The following TMTC3 variants were observed in gnomAD, a reference collection of about 807,000 sequenced individuals.
The protein encoded by TMTC3 is transmembrane O-mannosyltransferase targeting cadherins 3, also known as protein O-mannosyl-transferase TMTC3.
In TMTC3, 52 loss-of-function variants were observed where a neutral mutation model predicts 92.2. The observed-to-expected ratio is 0.56, with a 90% CI of 0.45 to 0.71. The LOEUF (loss-of-function observed/expected upper bound fraction) is 0.71. TMTC3 is among the 30% of genes least tolerant of loss of function. The pLI is 0.00. For synonymous variants in TMTC3, 339 were observed against 363.3 expected, an observed-to-expected ratio of 0.93 and a Z score of 0.76; for missense variants, 896 against 1,057.1, an observed-to-expected ratio of 0.85 and a Z score of 2.11.
Position 88,195,569 on chromosome 12 carries a change from G to T in TMTC3, c.2665G>T (p.Asp889Tyr). 1 of 1,611,532 alleles carries T rather than the reference G, an allele frequency of 6.2e-7. No homozygotes were observed. ...DEETPHKTTKDIKEIEKKRVA... is the reference protein window; with the variant it reads ...DEETPHKTTKYIKEIEKKRVA... ...AGAGACACCCCACAAAACAACAAAA[G>T]ACATCAAAGAAATTGAGAAGAAAAG... Residue 889 changes from aspartate (D) to tyrosine (Y), a missense_variant, in exon 14 of 14, where the codon GAC (aspartate) becomes TAC (tyrosine). Coordinates refer to ENST00000266712, the MANE Select transcript of TMTC3 (RefSeq NM_181783.4).
chr12:88,174,908 A>C (rs2041242975), intron 9 of TMTC3, among the ~76,000 whole-genome samples, 181 bp downstream of exon 9: 1 of 152,172 alleles, frequency 6.6e-6, no homozygotes, highest in South Asian at 2.1e-4. Context: ...GCTCTGAATA[A>C]TACTTAGCTA....
chr12:88,195,135 A>T lies in TMTC3; in HGVS notation c.2231A>T (p.Asp744Val). 6.2e-7 allele frequency: 1 copy of T among 1,613,892 alleles called. No individual in the cohort carries two copies. Among genetic ancestry groups the T allele is most frequent in the Non-Finnish European group, 8.5e-7 (1 of 1,179,954 alleles). ...ATCAAGGGCCTCATTTTAAAAGGAGACATTCTGATGAATCAAAAGAAAGAT... is the reference window on the plus strand; with the variant it reads ...ATCAAGGGCCTCATTTTAAAAGGAGTCATTCTGATGAATCAAAAGAAAGAT... ...DHIKGLILKG[D>V]ILMNQKKDIL... Residue 744 changes from aspartate (D) to valine (V), a missense_variant, in exon 14 of 14, where the codon GAC becomes GTC. Coordinates refer to ENST00000266712, the MANE Select transcript of TMTC3 (RefSeq NM_181783.4).
intron 10 of TMTC3, among the ~76,000 whole-genome samples, chr12:88,181,050 T>C (rs1446223430): frequency 6.6e-6 from 1 of 152,224 alleles, no homozygotes; most frequent in African/African-American, 2.4e-5. Context: ...GGCCTGTCCT[T>C]GAGGTTATAA....
rs745495640 is a variant in TMTC3 at position 88,195,134 on chromosome 12, G to C, written c.2230G>C (p.Asp744His). Residue 744 changes from aspartate to histidine, a missense_variant, in exon 14 of 14, where the codon GAC becomes CAC. Transcript: ENST00000266712. ...TATCAAGGGCCTCATTTTAAAAGGA[G>C]ACATTCTGATGAATCAAAAGAAAGA... ...DHIKGLILKGDILMNQKKDIL... is the reference protein window; with the variant it reads ...DHIKGLILKGHILMNQKKDIL... 1.2e-6 allele frequency: 2 copies of C among 1,613,788 alleles called. No individual in the cohort carries two copies. The highest frequency in any genetic ancestry group is 8.5e-7 in the Non-Finnish European group (1 of 1,179,904).
At chr12:88,172,925 T>C (rs2041221407) in intron 8 of TMTC3, 180 bp downstream of exon 8, 7 of 1,492,368 alleles carry the variant, frequency 4.7e-6, no homozygotes, top group Non-Finnish European at 6.3e-6. Flanking sequence ...CACCTACTTA[T>C]TCTGTGTTCT....
intron 4 of TMTC3, 33 bp from the exon 5 acceptor site, chr12:88,160,081 T>C: frequency 7.0e-7 from 1 of 1,429,528 alleles, no homozygotes; most frequent in South Asian, 1.3e-5. Flanking sequence ...AATTGTTTTC[T>C]GAATTTTTAT....
In TMTC3 at chr12:88,195,435, A is replaced by G. The variant is rs2041499703; in HGVS notation, c.2531A>G (p.Glu844Gly). 2 of 1,613,346 alleles carry G rather than the reference A, an allele frequency of 1.2e-6. No homozygotes were observed. Among genetic ancestry groups the G allele is most frequent in the Non-Finnish European group, 1.7e-6 (2 of 1,179,762 alleles). Reference sequence around the variant, plus strand: ...GTGGAAGGAAAGAAAATTCCAACTGAAAGTGTAAAAGAAATTAGAGGTGAA... The same window carrying G: ...GTGGAAGGAAAGAAAATTCCAACTGGAAGTGTAAAAGAAATTAGAGGTGAA... ...SSVEGKKIPT[E>G]SVKEIRGESR... The change falls in exon 14 of 14, where the codon GAA becomes GGA. Residue 844 changes from glutamate to glycine, a missense_variant. Physicochemically the swap from Glu to Gly is moderately conservative, Grantham distance 98. Transcript: ENST00000266712.
chr12:88,174,428 TATTTA>T lies in TMTC3; in HGVS notation c.1200-174_1200-170del, dbSNP rs1005493565. Among the ~76,000 whole-genome samples the T allele has an allele frequency of 6.6e-5, 10 of 152,140 alleles. No homozygotes were observed. In the East Asian group the frequency reaches 1.3e-3, roughly 20 times the overall value. On this transcript the variant is annotated intron_variant, in intron 8 of 13. Coordinates refer to ENST00000266712, the MANE Select transcript of TMTC3 (RefSeq NM_181783.4). The stretch of plus-strand genomic sequence containing the variant: ...ATTGACTGGAAGGTCATATTCACAG[TATTTA>T]ATTTTTTTGGTGTTGTATCCTCTAA...
rs550195464 is a variant in TMTC3 at position 88,160,988 on chromosome 12, A to C, written c.797+137A>C. 7.4e-5 allele frequency: 62 copies of C among 832,682 alleles called. No individual in the cohort carries two copies. In the Middle Eastern group the frequency reaches 1.1e-3, roughly 15 times the overall value. 51.6% of individuals were successfully genotyped at this position (832,682 alleles called of 1,614,324 possible). A position where few individuals can be genotyped will look rare whatever the true frequency, so the allele number is the denominator to read the frequency against. On this transcript the variant is annotated intron_variant, in intron 6 of 13. Transcript: ENST00000266712. Reference sequence around the variant, plus strand: ...CTATAATTAACATTTTTTAAACTGCATATATTTAAAATTTATGTACTGATA... The same window carrying C: ...CTATAATTAACATTTTTTAAACTGCCTATATTTAAAATTTATGTACTGATA...
chr12:88,160,006 T>C, intron 4 of TMTC3, 108 bp from the exon 5 acceptor site: 1 of 640,858 alleles, frequency 1.6e-6, no homozygotes, highest in Non-Finnish European at 2.6e-6. Flanking sequence ...TACTAATTAA[T>C]GAGAAATAGC....
At chr12:88,161,890 C>T (rs1211267463) in intron 6 of TMTC3, among the ~76,000 whole-genome samples, 2 of 151,286 alleles carry the variant, frequency 1.3e-5, no homozygotes, top group South Asian at 2.1e-4. Context: ...GTGCAGTTTG[C>T]ATATGTTTTC....
At chr12:88,154,151 G>A (rs1054746950) in intron 3 of TMTC3, 137 bp from the exon 4 acceptor site, 1 of 599,992 alleles carries the variant, frequency 1.7e-6, no homozygotes, top group African/African-American at 1.9e-5. Flanking sequence ...TTCACCACCT[G>A]AGGGCACCCA....
At position 88,166,467 on chromosome 12, in the gene TMTC3, T is replaced by G; in HGVS notation, c.935T>G (p.Ile312Arg). Reference sequence around the variant, plus strand: ...TGGACCATGGGAACAATACCACTTATAGAGTCATTACTAGATATTCGAAAT... The same window carrying G: ...TGGACCATGGGAACAATACCACTTAGAGAGTCATTACTAGATATTCGAAAT... ...CDWTMGTIPL[I>R]ESLLDIRNLA... The change falls in exon 7 of 14, where the codon ATA becomes AGA. Residue 312 changes from isoleucine (I) to arginine (R), a missense_variant. Physicochemically the swap from Ile to Arg is moderately conservative, Grantham distance 97 (BLOSUM62 -3). Transcript: ENST00000266712. The G allele has an allele frequency of 6.2e-7, 1 of 1,614,038 alleles. No individual in the cohort carries two copies. The highest frequency in any genetic ancestry group is 8.5e-7 in the Non-Finnish European group (1 of 1,179,956).
Position 88,198,251 on chromosome 12 carries a change from T to C in TMTC3, c.*2602T>C. 1 of 396,244 alleles carries C rather than the reference T, an allele frequency of 2.5e-6. No homozygotes were observed. Among genetic ancestry groups the C allele is most frequent in the East Asian group, 3.6e-5 (1 of 28,026 alleles). The allele number at this position is 396,244 out of a possible 1,614,324, so 24.5% of individuals were successfully genotyped here. On this transcript the variant is annotated 3_prime_UTR_variant, in exon 14 of 14. Coordinates refer to ENST00000266712, the MANE Select transcript of TMTC3 (RefSeq NM_181783.4). ...TGCCTGTTCAGTGAGATGGAGGAGG[T>C]GGGCACATTTAAGGTCAGTTCACTA...
rs2041521307 is a variant in TMTC3, at chr12:88,197,048, G to A, written c.*1399G>A. On this transcript the variant is annotated 3_prime_UTR_variant, in exon 14 of 14. Coordinates refer to ENST00000266712, the MANE Select transcript of TMTC3 (RefSeq NM_181783.4). ...TTCTAATTTAAAATATGAAAGCTCT[G>A]GCTATCATCCTGGGATAGTAATTTC... 1 of 151,638 alleles carries A rather than the reference G, an allele frequency of 6.6e-6. No homozygotes were observed. The highest frequency in any genetic ancestry group is 2.1e-4 in the South Asian group (1 of 4,812). The allele number at this position is 151,638 out of a possible 1,614,324, so 9.4% of individuals were successfully genotyped here.
At chr12:88,181,265 A>G (rs1482691186) in intron 10 of TMTC3, among the ~76,000 whole-genome samples, 1 of 152,216 alleles carries the variant, frequency 6.6e-6, no homozygotes, top group Non-Finnish European at 1.5e-5. Context: ...ATCAATGGAT[A>G]CATGTATATC....
intron 8 of TMTC3, among the ~76,000 whole-genome samples, chr12:88,174,399 T>C (rs2041236992): frequency 6.6e-6 from 1 of 152,140 alleles, no homozygotes; most frequent in South Asian, 2.1e-4. Context: ...GCATATATAA[T>C]GTAATTGACT....
chr12:88,155,060 A>G (rs2040990502), intron 4 of TMTC3, among the ~76,000 whole-genome samples: 1 of 152,356 alleles, frequency 6.6e-6, no homozygotes, highest in South Asian at 2.1e-4. Context: ...GAGGTTCAAG[A>G]AACACATGAT....
chr12:88,167,972 A>C (rs1404259129), intron 7 of TMTC3, among the ~76,000 whole-genome samples: 1 of 152,180 alleles, frequency 6.6e-6, no homozygotes, highest in Non-Finnish European at 1.5e-5. Flanking sequence ...TTCTAGATGC[A>C]CAGAAGTTCA....
Sources: allele counts gnomAD v4.1 joint callset (sites outside exome capture counted in the v4.1 genomes callset), GRCh38; gene constraint gnomAD v4.1.1; transcripts MANE v1.5; gene names NCBI Gene and HGNC (gene_info 2026-07-23, HGNC 2026-07-21).